PTBP2: variants seen among roughly 807,000 people sequenced by gnomAD.
PTBP2 encodes the protein polypyrimidine tract binding protein 2, also known as polypyrimidine tract-binding protein 2.
In PTBP2, 13 loss-of-function variants were observed where a neutral mutation model predicts 61.4. The ratio of observed to expected loss-of-function variants is 0.21; its 90% CI spans 0.14 to 0.34. The LOEUF is 0.34. PTBP2 is among the 10% of genes least tolerant of loss of function. PTBP2 has a pLI of 1.00. For synonymous variants in PTBP2, 215 were observed against 218.5 expected, an observed-to-expected ratio of 0.98 and a Z score of 0.14; for missense variants, 405 against 642.6, an observed-to-expected ratio of 0.63 and a Z score of 4.00.
intron 2 of PTBP2, among the ~76,000 whole-genome samples, chr1:96,732,759 A>G (rs1045248257): frequency 5.3e-5 from 8 of 152,170 alleles, no homozygotes; most frequent in African/African-American, 1.9e-4. Context: ...GTGGAGAGCA[A>G]CAGGCGTTGA....
intron 8 of PTBP2, among the ~76,000 whole-genome samples, chr1:96,801,753 C>G (rs141623473): frequency 3.9e-4 from 59 of 150,138 alleles, no homozygotes; most frequent in African/African-American, 1.1e-3. Context: ...CTCAGCTACT[C>G]GAGATGCTGA....
intron 2 of PTBP2, among the ~76,000 whole-genome samples, chr1:96,732,545 G>A (rs1365989096): frequency 6.6e-6 from 1 of 152,078 alleles, no homozygotes; most frequent in East Asian, 1.9e-4. Flanking sequence ...AGTGTCATAG[G>A]CTTTAATATG....
chr1:96,807,698 G>GAT (rs1203164395), intron 11 of PTBP2, among the ~76,000 whole-genome samples: 2 of 152,256 alleles, frequency 1.3e-5, no homozygotes, highest in East Asian at 3.9e-4. Context: ...TTTGCTCAGA[G>GAT]ATGAACAACT....
chr1:96,803,438 A>C (rs1160219239), intron 8 of PTBP2, among the ~76,000 whole-genome samples: 1 of 152,146 alleles, frequency 6.6e-6, no homozygotes, highest in East Asian at 1.9e-4. Context: ...AGCCTAAAAA[A>C]AAAGGTACAG....
At chr1:96,800,875 A>G (rs1660918411) in intron 8 of PTBP2, among the ~76,000 whole-genome samples, 1 of 152,124 alleles carries the variant, frequency 6.6e-6, no homozygotes, top group Non-Finnish European at 1.5e-5. Flanking sequence ...ACAGTATTAT[A>G]CCACCAAGTT....
rs1481928842 is a variant in PTBP2 at position 96,769,684 on chromosome 1, G to A, written c.116-19G>A. ...CTTTTATTGTTGATATATAAGGACT[G>A]TTTTTTAATGTCTTTCAGCCAATGG... is the stretch of plus-strand genomic sequence containing the variant. On this transcript the variant is annotated intron_variant, in intron 3 of 13. Coordinates refer to ENST00000674951, the MANE Select transcript of PTBP2 (RefSeq NM_021190.4). The A allele has an allele frequency of 6.6e-7, 1 of 1,519,674 alleles. No individual in the cohort carries two copies. Among genetic ancestry groups the A allele is most frequent in the Non-Finnish European group, 8.8e-7 (1 of 1,130,796 alleles). The allele number at this position is 1,519,674 out of a possible 1,614,324, so 94.1% of individuals were successfully genotyped here. A position where few individuals can be genotyped will look rare whatever the true frequency, so the allele number is the denominator to read the frequency against.
chr1:96,749,576 A>G (rs1384487324), intron 2 of PTBP2: 1 of 442,866 alleles, frequency 2.3e-6, no homozygotes, highest in Non-Finnish European at 4.6e-6. Flanking sequence ...AGCTGGCTTT[A>G]TTTCTCTATC....
intron 8 of PTBP2, among the ~76,000 whole-genome samples, chr1:96,794,537 G>C (rs72976450): frequency 0.045 from 6,807 of 152,206 alleles, 476 homozygotes; most frequent in African/African-American, 0.15. Flanking sequence ...ACATTTCATA[G>C]CCCTAGAAGG....
At chr1:96,742,960 G>T (rs1570750245) in intron 2 of PTBP2, among the ~76,000 whole-genome samples, 1 of 151,432 alleles carries the variant, frequency 6.6e-6, no homozygotes, top group East Asian at 1.9e-4. Flanking sequence ...TTTCTTTTTT[G>T]TTGTTGTTAG....
At chr1:96,722,313 AGAG>A (rs1463154925) in intron 1 of PTBP2, among the ~76,000 whole-genome samples, 1 of 152,008 alleles carries the variant, frequency 6.6e-6, no homozygotes, top group African/African-American at 2.4e-5. Context: ...CTCTAGGGGA[AGAG>A]GAGAGAGGCA....
At chr1:96,765,925 T>C (rs1300291056) in intron 3 of PTBP2, among the ~76,000 whole-genome samples, 2 of 151,942 alleles carry the variant, frequency 1.3e-5, no homozygotes, top group Non-Finnish European at 2.9e-5. Flanking sequence ...TTTTTAGGGG[T>C]GCTATTAGAG....
chr1:96,801,032 A>G (rs964502091), intron 8 of PTBP2, among the ~76,000 whole-genome samples: 43 of 152,180 alleles, frequency 2.8e-4, no homozygotes, highest in African/African-American at 8.9e-4. Flanking sequence ...GTTAAAATGT[A>G]TAGTGGCACG....
chr1:96,723,348 C>A (rs1041304703), intron 1 of PTBP2, among the ~76,000 whole-genome samples: 1 of 152,054 alleles, frequency 6.6e-6, no homozygotes, highest in Non-Finnish European at 1.5e-5. Context: ...TTAAAAAATA[C>A]CACAAGTTGT....
intron 5 of PTBP2, among the ~76,000 whole-genome samples, chr1:96,776,023 G>GT: frequency 6.6e-6 from 1 of 152,176 alleles, no homozygotes; most frequent in Admixed American, 6.5e-5. Context: ...AGATAATACT[G>GT]TGAGGGGTTG....
chr1:96,762,583 G>A (rs1293076736), intron 3 of PTBP2, among the ~76,000 whole-genome samples: 3 of 145,294 alleles, frequency 2.1e-5, no homozygotes, highest in Admixed American at 1.3e-4. Context: ...GCGGCTGGCC[G>A]GGCAGAGGGG....
At chr1:96,817,703 T>G (rs1662537472), downstream of PTBP2, 1 of 152,116 alleles carries the variant, frequency 6.6e-6, no homozygotes, top group Non-Finnish European at 1.5e-5. Flanking sequence ...CTTTCTGATC[T>G]TAGTTCAAAC....
chr1:96,803,967 A>C (rs1661270526), intron 8 of PTBP2, among the ~76,000 whole-genome samples: 1 of 152,190 alleles, frequency 6.6e-6, no homozygotes, highest in Admixed American at 6.5e-5. Context: ...GTTGATTGGT[A>C]ATTGAAAAGT....
intron 1 of PTBP2, 127 bp downstream of exon 1, chr1:96,721,999 C>A: frequency 8.0e-7 from 1 of 1,250,978 alleles, no homozygotes; most frequent in Non-Finnish European, 1.1e-6. Context: ...TACCCAACCC[C>A]CGCCCCATCG....
intron 8 of PTBP2, among the ~76,000 whole-genome samples, chr1:96,789,714 A>C (rs760180304): frequency 2.6e-5 from 4 of 152,054 alleles, no homozygotes; most frequent in Non-Finnish European, 5.9e-5. Flanking sequence ...GATTTCAGCT[A>C]TTTGCTAATA....
Sources: allele counts gnomAD v4.1 joint callset (sites outside exome capture counted in the v4.1 genomes callset), GRCh38; gene constraint gnomAD v4.1.1; transcripts MANE v1.5; gene names NCBI Gene and HGNC (gene_info 2026-07-23, HGNC 2026-07-21).